The following FNDC3B variants were observed in gnomAD, a reference collection of about 807,000 sequenced individuals.
FNDC3B encodes the protein fibronectin type III domain containing 3B.
Under a neutral mutation model 151.5 loss-of-function variants are expected in FNDC3B, and 12 were observed. That is an observed-to-expected ratio of 0.08 (90% CI 0.05 to 0.13). FNDC3B has a LOEUF of 0.13. FNDC3B is among the 10% of genes least tolerant of loss of function. The pLI is 1.00. For synonymous variants in FNDC3B, 528 were observed against 549.0 expected (o/e 0.96, Z 0.54); for missense variants, 1,214 against 1,505.3 (o/e 0.81, Z 3.20).
At chr3:172,258,677 G>A (rs1018874722) in intron 6 of FNDC3B, among the ~76,000 whole-genome samples, 4 of 152,138 alleles carry the variant, frequency 2.6e-5, no homozygotes, top group Non-Finnish European at 4.4e-5. Context: ...ATCCACCTGC[G>A]CAGGGCTGAC....
chr3:172,297,025 C>CATG (rs1730652290), intron 8 of FNDC3B, among the ~76,000 whole-genome samples: 1 of 152,122 alleles, frequency 6.6e-6, no homozygotes, highest in South Asian at 2.1e-4. Context: ...AGGTAACATA[C>CATG]ATGAGCAAAG....
intron 3 of FNDC3B, among the ~76,000 whole-genome samples, chr3:172,187,650 A>T (rs1399973185): frequency 6.6e-6 from 1 of 152,146 alleles, no homozygotes; most frequent in Non-Finnish European, 1.5e-5. Flanking sequence ...CTTTCTTTGT[A>T]TTGTTTTTTC....
intron 1 of FNDC3B, among the ~76,000 whole-genome samples, chr3:172,076,252 T>C (rs1718002473): frequency 6.6e-6 from 1 of 152,240 alleles, no homozygotes; most frequent in Admixed American, 6.5e-5. Flanking sequence ...TACAAATGTT[T>C]GTTCTATACA....
chr3:172,112,697 C>A, intron 2 of FNDC3B, 107 bp downstream of exon 2: 1 of 787,784 alleles, frequency 1.3e-6, no homozygotes, highest in Non-Finnish European at 2.2e-6. Context: ...CAAACCTTAG[C>A]ATTTCTAGAG....
chr3:172,355,494 A>C (rs1734050499), intron 22 of FNDC3B, among the ~76,000 whole-genome samples: 1 of 147,578 alleles, frequency 6.8e-6, no homozygotes, highest in East Asian at 2.1e-4. Context: ...CTCCACCCCA[A>C]ACCTACTTAA....
Position 172,335,132 on chromosome 3 carries a change from A to C in FNDC3B, c.1780+50A>C, listed in dbSNP as rs770604068. On this transcript the variant is annotated intron_variant, in intron 15 of 25. Transcript: ENST00000415807. ...GTTTTTTTTTTTTTTTTCTTTTGAT[A>C]GATTTTTAAAAAATGATTCATTTTA... is the stretch of plus-strand genomic sequence containing the variant. 2.3e-5 allele frequency: 34 copies of C among 1,447,752 alleles called. No homozygotes were observed. In the Middle Eastern group the frequency reaches 9.3e-4, roughly 40 times the overall value. 89.7% of individuals were successfully genotyped at this position (1,447,752 alleles called of 1,614,324 possible). A position where few individuals can be genotyped will look rare whatever the true frequency, so the allele number is the denominator to read the frequency against.
At chr3:172,298,236 A>G (rs1487439469) in intron 8 of FNDC3B, among the ~76,000 whole-genome samples, 1 of 152,202 alleles carries the variant, frequency 6.6e-6, no homozygotes, top group African/African-American at 2.4e-5. Flanking sequence ...ACTTTTGAGG[A>G]CATAAATGGT....
chr3:172,128,088 T>C (rs1419105618), intron 2 of FNDC3B, among the ~76,000 whole-genome samples: 1 of 152,224 alleles, frequency 6.6e-6, no homozygotes, highest in African/African-American at 2.4e-5. Flanking sequence ...TTGCCATGTA[T>C]CCTACGGGTT....
chr3:172,209,463 C>T (rs1174759127), intron 3 of FNDC3B, among the ~76,000 whole-genome samples: 1 of 152,214 alleles, frequency 6.6e-6, no homozygotes, highest in Non-Finnish European at 1.5e-5. Context: ...GAACAGCTCT[C>T]AGTGGAGAGG....
At chr3:172,200,116 A>G (rs2108687366) in intron 3 of FNDC3B, among the ~76,000 whole-genome samples, 1 of 152,294 alleles carries the variant, frequency 6.6e-6, no homozygotes, top group South Asian at 2.1e-4. Flanking sequence ...CCCACCCTGG[A>G]CAGGATGTCA....
intron 25 of FNDC3B, among the ~76,000 whole-genome samples, chr3:172,386,756 A>T (rs1031102170): frequency 6.7e-6 from 1 of 149,012 alleles, no homozygotes; most frequent in Non-Finnish European, 1.5e-5. Flanking sequence ...AAGAAAAAAA[A>T]AAGAAAAAAA....
intron 1 of FNDC3B, among the ~76,000 whole-genome samples, chr3:172,058,904 C>T (rs1338364205): frequency 6.6e-6 from 1 of 152,146 alleles, no homozygotes; most frequent in Non-Finnish European, 1.5e-5. Context: ...GGAGTTTCTA[C>T]CATCTTCATA....
chr3:172,346,895 G>A (rs1158452992), intron 20 of FNDC3B, among the ~76,000 whole-genome samples: 1 of 151,992 alleles, frequency 6.6e-6, no homozygotes, highest in Non-Finnish European at 1.5e-5. Context: ...GTAGAGATAG[G>A]GTTTCACTGT....
chr3:172,398,181 C>A lies in FNDC3B; in HGVS notation c.*706C>A, dbSNP rs1304689452. On this transcript the variant is annotated 3_prime_UTR_variant, in exon 26 of 26. Coordinates refer to ENST00000415807, the MANE Select transcript of FNDC3B (RefSeq NM_022763.4). ...CATTGTAGATTTTACCACATCAATT[C>A]ATAGCAGTAACTTTAAGAGGGCATT... is the stretch of plus-strand genomic sequence containing the variant. 1 of 152,650 alleles carries A rather than the reference C, an allele frequency of 6.6e-6. No individual in the cohort carries two copies. The highest frequency in any genetic ancestry group is 1.5e-5 in the Non-Finnish European group (1 of 68,034). The allele number at this position is 152,650 out of a possible 1,614,324, so 9.5% of individuals were successfully genotyped here.
intron 1 of FNDC3B, among the ~76,000 whole-genome samples, chr3:172,090,730 G>C (rs997716375): frequency 1.2e-4 from 18 of 152,170 alleles, no homozygotes; most frequent in Non-Finnish European, 1.9e-4. Context: ...AATCCAAAAT[G>C]CTCCAAAATC....
intron 1 of FNDC3B, among the ~76,000 whole-genome samples, chr3:172,101,992 C>T (rs1719398176): frequency 6.6e-6 from 1 of 152,184 alleles, no homozygotes; most frequent in Non-Finnish European, 1.5e-5. Flanking sequence ...GATGTACTCT[C>T]ATGGGTTGTC....
chr3:172,230,528 A>G (rs1273702096), intron 4 of FNDC3B, among the ~76,000 whole-genome samples: 1 of 151,894 alleles, frequency 6.6e-6, no homozygotes, highest in Non-Finnish European at 1.5e-5. Flanking sequence ...AACAACAACA[A>G]CAAAAATTAA....
At chr3:172,147,501 C>G (rs918674298) in intron 3 of FNDC3B, among the ~76,000 whole-genome samples, 6 of 151,726 alleles carry the variant, frequency 4.0e-5, no homozygotes, top group African/African-American at 1.5e-4. Context: ...CATTTTGTTG[C>G]TTGACTTGGG....
intron 6 of FNDC3B, among the ~76,000 whole-genome samples, chr3:172,285,676 G>C (rs1341103895): frequency 6.6e-6 from 1 of 152,120 alleles, no homozygotes; most frequent in African/African-American, 2.4e-5. Context: ...ATGGAACCCC[G>C]TGTTAATCTC....
Sources: gnomAD v4.1 joint callset for allele counts (sites outside exome capture counted in the v4.1 genomes callset) on GRCh38, gnomAD v4.1.1 for gene constraint, MANE v1.5 for transcripts, NCBI Gene and HGNC (gene_info 2026-07-23, HGNC 2026-07-21) for gene names.